RBL2: variants seen among roughly 807,000 people sequenced by gnomAD.
RBL2 encodes the protein retinoblastoma-like protein 2.
Under a neutral mutation model 126.0 loss-of-function variants are expected in RBL2, and 56 were observed. That is an observed-to-expected ratio of 0.44 (90% CI 0.36 to 0.56). RBL2 has a LOEUF of 0.56. RBL2 is among the 20% of genes least tolerant of loss of function. RBL2 has a pLI of 0.00. For missense variants in RBL2, 1,229 were observed against 1,398.2 expected (o/e 0.88, Z 1.93); for synonymous variants, 454 against 478.5 (o/e 0.95, Z 0.67).
intron 17 of RBL2, among the ~76,000 whole-genome samples, chr16:53,474,166 A>G (rs1421385241): frequency 2.6e-5 from 4 of 151,716 alleles, no homozygotes; most frequent in African/African-American, 9.7e-5. Flanking sequence ...CTAATTTTTT[A>G]AATTTTTTGT....
chr16:53,449,602 A>AG (rs1361445252), intron 4 of RBL2: 2 of 151,298 alleles, frequency 1.3e-5, no homozygotes, highest in African/African-American at 2.4e-5. Flanking sequence ...AAAAAAAAAA[A>AG]AAAAGAAACT....
chr16:53,481,598 C>A, intron 20 of RBL2, 73 bp from the exon 21 acceptor site: 1 of 1,325,128 alleles, frequency 7.5e-7, no homozygotes, highest in Non-Finnish European at 1.0e-6. Context: ...CACCTCTTCA[C>A]TCAATAATCA....
At chr16:53,467,472 C>T (rs1000298570) in intron 14 of RBL2, among the ~76,000 whole-genome samples, 1 of 152,214 alleles carries the variant, frequency 6.6e-6, no homozygotes, top group Non-Finnish European at 1.5e-5. Flanking sequence ...ACTGCAACCT[C>T]TGCCTGCCGG....
chr16:53,453,447 C>G lies in RBL2; in HGVS notation c.767-5C>G, dbSNP rs111670683. On this transcript the variant is annotated splice_polypyrimidine_tract_variant and splice_region_variant and intron_variant, in intron 5 of 21. Coordinates refer to ENST00000262133, the MANE Select transcript of RBL2 (RefSeq NM_005611.4). ...ATCTCTGTTTTGTGATTCTATACAC[C>G]ATAGGCTTATCTGAAGATTTTCATG... is the stretch of plus-strand genomic sequence containing the variant. The G allele has an allele frequency of 1.8e-5, 29 of 1,610,154 alleles. 1 individual carries two copies. In the African/African-American group the frequency reaches 1.9e-4, roughly 10 times the overall value.
chr16:53,475,815 CCTTT>C (rs1049338884), intron 17 of RBL2, among the ~76,000 whole-genome samples: 3 of 142,604 alleles, frequency 2.1e-5, no homozygotes, highest in African/African-American at 5.2e-5. Context: ...TTAAAAGATA[CCTTT>C]CTAATATTTC....
At position 53,444,276 on chromosome 16, in the gene RBL2, G is replaced by T. The variant is rs544427897; in HGVS notation, c.572+1418G>T. ...TAAATAAGTAAACAAATAAAAGGAG[G>T]TATTCTGGCTGAGTGCCTGTAATCC... On this transcript the variant is annotated intron_variant, in intron 3 of 21. Transcript: ENST00000262133. 2.6e-5 allele frequency among the ~76,000 whole-genome samples: 4 copies of T among 151,642 alleles called. No homozygotes were observed. In the South Asian group the frequency reaches 8.3e-4, roughly 32 times the overall value.
At chr16:53,449,820 T>C (rs941384962) in intron 4 of RBL2, among the ~76,000 whole-genome samples, 1 of 152,122 alleles carries the variant, frequency 6.6e-6, no homozygotes, top group South Asian at 2.1e-4. Flanking sequence ...ATAAAATACC[T>C]CACAAAGTCA....
intron 14 of RBL2, among the ~76,000 whole-genome samples, chr16:53,468,336 C>T (rs1267556771): frequency 1.3e-5 from 2 of 152,092 alleles, no homozygotes; most frequent in Non-Finnish European, 2.9e-5. Flanking sequence ...CCCCGGAGTT[C>T]AAGACCATCC....
At chr16:53,463,353 G>A (rs1341503843) in intron 11 of RBL2, among the ~76,000 whole-genome samples, 1 of 151,884 alleles carries the variant, frequency 6.6e-6, no homozygotes, top group Non-Finnish European at 1.5e-5. Context: ...TTGAGACAGA[G>A]TCTCACTCTC....
At chr16:53,456,302 A>T (rs977890211) in intron 8 of RBL2, among the ~76,000 whole-genome samples, 4 of 152,222 alleles carry the variant, frequency 2.6e-5, no homozygotes, top group African/African-American at 9.6e-5. Flanking sequence ...GGTGAAAGCC[A>T]TTAAGAGGGT....
At chr16:53,449,915 CT>C (rs2058098176) in intron 4 of RBL2, among the ~76,000 whole-genome samples, 1 of 143,028 alleles carries the variant, frequency 7.0e-6, no homozygotes, top group Non-Finnish European at 1.5e-5. Flanking sequence ...AGATTCTGAT[CT>C]TTAGGGGCAT....
At chr16:53,453,397 A>G in intron 5 of RBL2, 55 bp from the exon 6 acceptor site, 1 of 1,489,164 alleles carries the variant, frequency 6.7e-7, no homozygotes, top group Non-Finnish European at 9.3e-7. Flanking sequence ...TTAGTTTATT[A>G]CAAATTGGCT....
intron 2 of RBL2, 26 bp downstream of exon 2, chr16:53,439,172 A>G (rs376927892): frequency 1.0e-5 from 16 of 1,550,038 alleles, no homozygotes; most frequent in Non-Finnish European, 1.2e-5. Flanking sequence ...TTTGACAAGT[A>G]GAGTATGGCT....
chr16:53,479,764 C>T, intron 18 of RBL2, 122 bp from the exon 19 acceptor site: 1 of 634,746 alleles, frequency 1.6e-6, no homozygotes, highest in Non-Finnish European at 2.7e-6. Context: ...TCAACCTGTT[C>T]TGAGGACAAC....
At chr16:53,455,597 G>T (rs1299145621) in intron 8 of RBL2, among the ~76,000 whole-genome samples, 1 of 152,076 alleles carries the variant, frequency 6.6e-6, no homozygotes, top group Non-Finnish European at 1.5e-5. Context: ...TAAATATATA[G>T]TATGTTGGGT....
intron 5 of RBL2, 151 bp from the exon 6 acceptor site, chr16:53,453,301 C>A: frequency 1.8e-6 from 1 of 561,286 alleles, no homozygotes; most frequent in African/African-American, 1.9e-5. Context: ...TTGACAAATT[C>A]TTAGCGTTGA....
rs746833880 is a variant in RBL2, at chr16:53,470,438, G to A, written c.2301G>A (p.Gly767=). Residue 767 remains glycine, a synonymous_variant, in exon 16 of 22, where the codon GGG becomes GGA. Coordinates refer to ENST00000262133, the MANE Select transcript of RBL2 (RefSeq NM_005611.4). ...TCTTCCCTGTCCAAGTCAATGTTGG[G>A]GGGCAGGCACAAGCTGTGACAGGCT... ...ITFFPVQVNV[G]GQAQAVTGSI... The A allele has an allele frequency of 1.9e-6, 3 of 1,614,112 alleles. No individual in the cohort carries two copies. The highest frequency in any genetic ancestry group is 2.2e-5 in the South Asian group (2 of 91,082).
chr16:53,467,480 C>T lies in RBL2; in HGVS notation c.1975+311C>T, dbSNP rs530159306. Among the ~76,000 whole-genome samples the T allele has an allele frequency of 5.3e-5, 8 of 152,258 alleles. No individual in the cohort carries two copies. In the South Asian group the frequency reaches 1.0e-3, roughly 20 times the overall value. On this transcript the variant is annotated intron_variant, in intron 14 of 21. Transcript: ENST00000262133. ...TCAGCTCACTGCAACCTCTGCCTGC[C>T]GGGTTCAAGCGATTCTCATGCCTCA... is the stretch of plus-strand genomic sequence containing the variant.
At chr16:53,466,930 G>A (rs1460867016) in intron 13 of RBL2, 128 bp from the exon 14 acceptor site, 2 of 717,200 alleles carry the variant, frequency 2.8e-6, no homozygotes, top group African/African-American at 3.7e-5. Flanking sequence ...TATTAAAATG[G>A]GAAAGACAGC....
Sources: allele counts gnomAD v4.1 joint callset (sites outside exome capture counted in the v4.1 genomes callset), GRCh38; gene constraint gnomAD v4.1.1; transcripts MANE v1.5; gene names NCBI Gene and HGNC (gene_info 2026-07-23, HGNC 2026-07-21).